EMSY: variants seen among roughly 807,000 people sequenced by gnomAD.
The protein encoded by EMSY is EMSY transcriptional repressor, BRCA2 interacting.
Under a neutral mutation model 134.6 loss-of-function variants are expected in EMSY, and 26 were observed. The observed-to-expected ratio is 0.19, with a 90% CI of 0.14 to 0.27. EMSY has a LOEUF of 0.27. Among genes scored for constraint, EMSY ranks in the 10% least tolerant of loss-of-function variants. The pLI is 1.00. For synonymous variants in EMSY, 579 were observed against 577.8 expected (o/e 1.00, Z -0.03); for missense variants, 1,305 against 1,611.4 (o/e 0.81, Z 3.26).
exon 12 of EMSY, chr11:76,523,264 T>C (rs1180861079): frequency 1.3e-5 from 21 of 1,613,336 alleles, no homozygotes; most frequent in Non-Finnish European, 1.8e-5. Flanking sequence ...CGGGCAAAAA[T>C]GTTGTCACAA....
intron 6 of EMSY, among the ~76,000 whole-genome samples, chr11:76,462,216 GC>G (rs1342978187): frequency 2.6e-5 from 4 of 152,166 alleles, no homozygotes; most frequent in African/African-American, 9.7e-5. Context: ...TCCAGCCTGG[GC>G]AACAGTGTGA....
rs1216909225 is a variant in EMSY, at chr11:76,472,423, A to G, written c.832-141A>G. ...ATTACTAGTAAAGGAAAATTTTAAT[A>G]TATTTTTAGTTGTATATTCTCTGTT... On this transcript the variant is annotated intron_variant, in intron 7 of 20. Transcript: ENST00000334736. The G allele has an allele frequency of 1.0e-5, 8 of 773,028 alleles. No homozygotes were observed. The East Asian group carries it at 1.4e-4, about 14-fold the overall frequency. 47.9% of individuals were successfully genotyped at this position (773,028 alleles called of 1,614,324 possible). A position where few individuals can be genotyped will look rare whatever the true frequency, so the allele number is the denominator to read the frequency against.
At chr11:76,544,321 G>A (rs1386735278) in exon 19 of EMSY, 3 of 1,614,158 alleles carry the variant, frequency 1.9e-6, no homozygotes, top group Non-Finnish European at 2.5e-6. Context: ...AGGAGGGCGA[G>A]GTTGAAGAGA....
chr11:76,489,947 C>G (rs1398329619), intron 8 of EMSY, among the ~76,000 whole-genome samples: 3 of 152,106 alleles, frequency 2.0e-5, no homozygotes, highest in Non-Finnish European at 4.4e-5. Context: ...CTTAACCCAT[C>G]TGTGCCTTTG....
intron 9 of EMSY, among the ~76,000 whole-genome samples, chr11:76,503,445 A>G (rs902657700): frequency 6.6e-6 from 1 of 152,214 alleles, no homozygotes; most frequent in Non-Finnish European, 1.5e-5. Context: ...TTGAAAGTCC[A>G]GAAATAAAAC....
chr11:76,462,679 A>G (rs1948173500), intron 6 of EMSY, among the ~76,000 whole-genome samples: 1 of 152,166 alleles, frequency 6.6e-6, no homozygotes, highest in Non-Finnish European at 1.5e-5. Flanking sequence ...ATACTCAGAG[A>G]TGGATAGAAT....
chr11:76,480,814 G>A (rs185329929), intron 8 of EMSY, among the ~76,000 whole-genome samples: 16 of 152,320 alleles, frequency 1.1e-4, no homozygotes, highest in Middle Eastern at 3.4e-3. Context: ...AGCACAAGGG[G>A]TTGGGAAACT....
chr11:76,453,521 A>G (rs1223860573), intron 4 of EMSY, 133 bp downstream of exon 4: 5 of 760,200 alleles, frequency 6.6e-6, no homozygotes, highest in Non-Finnish European at 9.9e-6. Flanking sequence ...GATCCTGATC[A>G]TAGCAGTAAA....
chr11:76,509,000 T>G (rs1463919036), intron 9 of EMSY, among the ~76,000 whole-genome samples: 1 of 152,040 alleles, frequency 6.6e-6, no homozygotes, highest in African/African-American at 2.4e-5. Context: ...CACACAACAT[T>G]TATTGATTAA....
intron 10 of EMSY, among the ~76,000 whole-genome samples, chr11:76,514,062 G>A (rs1257706923): frequency 6.6e-6 from 1 of 152,148 alleles, no homozygotes; most frequent in Admixed American, 6.6e-5. Flanking sequence ...TATGCTGGAG[G>A]AAGTGACAGT....
chr11:76,530,222 T>A (rs1316355602), intron 14 of EMSY, among the ~76,000 whole-genome samples: 1 of 144,916 alleles, frequency 6.9e-6, no homozygotes, highest in African/African-American at 2.6e-5. Flanking sequence ...TGCAGTGGCG[T>A]GATCTCGGCT....
At chr11:76,544,119 C>G (rs1481715625) in intron 18 of EMSY, 140 bp from the exon 20 acceptor site, 1 of 819,446 alleles carries the variant, frequency 1.2e-6, no homozygotes, top group East Asian at 2.7e-5. Context: ...CAGTAGAAAG[C>G]TCCTTGAGGT....
intron 4 of EMSY, among the ~76,000 whole-genome samples, chr11:76,455,759 T>G (rs773784565): frequency 3.3e-5 from 5 of 152,216 alleles, no homozygotes; most frequent in Non-Finnish European, 5.9e-5. Flanking sequence ...TTTGATACTC[T>G]TAATTCAGTT....
chr11:76,449,913 T>C (rs1221873795), intron 2 of EMSY, among the ~76,000 whole-genome samples: 5 of 152,224 alleles, frequency 3.3e-5, no homozygotes, highest in Non-Finnish European at 5.9e-5. Flanking sequence ...AGTAGTTTGG[T>C]TTGAGTTAGG....
chr11:76,521,740 T>G (rs1246011544), intron 11 of EMSY, among the ~76,000 whole-genome samples: 1 of 148,496 alleles, frequency 6.7e-6, no homozygotes. Context: ...TCCAGCCTGG[T>G]AACAGAGTGA....
At chr11:76,496,079 A>C (rs1465553701) in intron 8 of EMSY, 136 bp from the exon 10 acceptor site, 3 of 885,534 alleles carry the variant, frequency 3.4e-6, no homozygotes, top group Admixed American at 2.9e-5. Context: ...TTTATCTGAC[A>C]CTTACTAGGT....
In EMSY at chr11:76,522,352, C is replaced by CTTT. The variant is rs71040003; in HGVS notation, c.1685-775_1685-773dup. Among the ~76,000 whole-genome samples the CTTT allele has an allele frequency of 8.0e-3, 354 of 44,274 alleles. 16 individuals are homozygous for CTTT. Among genetic ancestry groups the CTTT allele is most frequent in the African/African-American group, 0.01 (110 of 10,640 alleles). The allele number at this position is 44,274 out of a possible 152,430, so 29.0% of individuals were successfully genotyped here. A position where few individuals can be genotyped will look rare whatever the true frequency, so the allele number is the denominator to read the frequency against. On this transcript the variant is annotated intron_variant, in intron 11 of 20. Transcript: ENST00000334736. ...CTTGTTTTGTATATCGTTTACTTTG[C>CTTT]TTTTTTTTTTTTTTTTTTTTTTTTT...
chr11:76,543,715 T>G (rs1281530888), intron 18 of EMSY, among the ~76,000 whole-genome samples: 1 of 152,144 alleles, frequency 6.6e-6, no homozygotes, highest in Non-Finnish European at 1.5e-5. Context: ...CGAGAGGTGC[T>G]TCATGCAGAC....
chr11:76,451,014 C>G (rs1217760309), intron 2 of EMSY, among the ~76,000 whole-genome samples: 2 of 151,892 alleles, frequency 1.3e-5, no homozygotes, highest in African/African-American at 2.4e-5. Flanking sequence ...CCAGACTGGT[C>G]TCGAACTCTT....
Sources: allele counts gnomAD v4.1 joint callset (sites outside exome capture counted in the v4.1 genomes callset), GRCh38; gene constraint gnomAD v4.1.1; transcripts MANE v1.5; gene names NCBI Gene and HGNC (gene_info 2026-07-23, HGNC 2026-07-21).